The following SH3GL2 variants were observed in gnomAD, a reference collection of about 807,000 sequenced individuals.
The protein encoded by SH3GL2 is SH3 domain containing GRB2 like 2, endophilin A1, also known as endophilin-A1.
In SH3GL2, 24 loss-of-function variants were observed where a neutral mutation model predicts 46.0. The ratio of observed to expected loss-of-function variants is 0.52; its 90% CI spans 0.38 to 0.73. The LOEUF is 0.73. SH3GL2 is among the 30% of genes least tolerant of loss of function. The pLI is 0.00. For synonymous variants in SH3GL2, 196 were observed against 147.1 expected, an observed-to-expected ratio of 1.33 and a Z score of -2.40; for missense variants, 413 against 424.2, an observed-to-expected ratio of 0.97 and a Z score of 0.23.
intron 1 of SH3GL2, among the ~76,000 whole-genome samples, chr9:17,632,080 C>T (rs543369004): frequency 4.6e-5 from 7 of 152,144 alleles, no homozygotes; most frequent in African/African-American, 1.4e-4. Context: ...ACATAATTTC[C>T]TCAATACATT....
intron 1 of SH3GL2, among the ~76,000 whole-genome samples, chr9:17,663,300 G>T (rs1470479967): frequency 6.6e-6 from 1 of 152,104 alleles, no homozygotes; most frequent in Non-Finnish European, 1.5e-5. Flanking sequence ...GTTATGTTGG[G>T]ATTTATATCC....
intron 1 of SH3GL2, among the ~76,000 whole-genome samples, chr9:17,603,348 C>G (rs1167320664): frequency 6.6e-6 from 1 of 152,114 alleles, no homozygotes; most frequent in African/African-American, 2.4e-5. Flanking sequence ...CATGGATGAG[C>G]TGTAAGGACA....
chr9:17,626,796 T>C (rs1013706662), intron 1 of SH3GL2, among the ~76,000 whole-genome samples: 4 of 152,210 alleles, frequency 2.6e-5, no homozygotes, highest in African/African-American at 4.8e-5. Context: ...TCACATTCCT[T>C]TGGAGAACTG....
In SH3GL2 at chr9:17,579,190, C is replaced by T; in HGVS notation, c.-53C>T. On this transcript the variant is annotated 5_prime_UTR_variant, in exon 1 of 9. Transcript: ENST00000380607. ...CGCCGCCCCGCTCGGCCCTCCAGTC[C>T]CCCTCCGCCTCCTCCCTCCCGCACA... 17 of 1,400,938 alleles carry T rather than the reference C, an allele frequency of 1.2e-5. No individual in the cohort carries two copies. Among genetic ancestry groups the T allele is most frequent in the South Asian group, 9.0e-5 (7 of 78,040 alleles). 86.8% of individuals were successfully genotyped at this position (1,400,938 alleles called of 1,614,324 possible).
intron 3 of SH3GL2, among the ~76,000 whole-genome samples, chr9:17,779,418 T>TC (rs1423483698): frequency 3.9e-5 from 6 of 152,210 alleles, no homozygotes; most frequent in African/African-American, 1.4e-4. Context: ...TGAGCCTGAA[T>TC]CCAATCTTTT....
At position 17,796,405 on chromosome 9, in the gene SH3GL2, G is replaced by T. The variant is rs1296333626; in HGVS notation, c.*662G>T. ...AGCGGTAATTCCAAATTATTTTTCA[G>T]TAAGACAGTTAATCAGCATTATTGT... On this transcript the variant is annotated 3_prime_UTR_variant, in exon 9 of 9. Transcript: ENST00000380607. The T allele has an allele frequency of 6.6e-6, 1 of 152,344 alleles. No individual in the cohort carries two copies. The highest frequency in any genetic ancestry group is 1.5e-5 in the Non-Finnish European group (1 of 68,036). 9.4% of individuals were successfully genotyped at this position (152,344 alleles called of 1,614,324 possible).
intron 3 of SH3GL2, among the ~76,000 whole-genome samples, chr9:17,764,185 G>A (rs1209405753): frequency 6.6e-6 from 1 of 152,180 alleles, no homozygotes; most frequent in Admixed American, 6.5e-5. Flanking sequence ...TGTATGGGCA[G>A]GCCACATACA....
intron 1 of SH3GL2, among the ~76,000 whole-genome samples, chr9:17,636,201 C>T (rs556810870): frequency 4.0e-4 from 61 of 152,168 alleles, no homozygotes; most frequent in African/African-American, 5.5e-4. Context: ...ATGGGATAAC[C>T]GTGGATTGAA....
intron 3 of SH3GL2, among the ~76,000 whole-genome samples, chr9:17,764,541 G>A (rs1422143069): frequency 1.3e-5 from 2 of 152,250 alleles, no homozygotes; most frequent in African/African-American, 2.4e-5. Context: ...TTCTGAATAA[G>A]CAAGATATGG....
At chr9:17,762,549 G>C (rs1392068954) in intron 3 of SH3GL2, among the ~76,000 whole-genome samples, 1 of 152,104 alleles carries the variant, frequency 6.6e-6, no homozygotes, top group African/African-American at 2.4e-5. Context: ...GCTATTCTGA[G>C]GATGAGCAGA....
At chr9:17,773,471 G>A (rs972719806) in intron 3 of SH3GL2, among the ~76,000 whole-genome samples, 1 of 151,914 alleles carries the variant, frequency 6.6e-6, no homozygotes, top group African/African-American at 2.4e-5. Flanking sequence ...TAATGTATTT[G>A]GAGTTAATTT....
At chr9:17,715,261 C>T (rs575102410) in intron 1 of SH3GL2, among the ~76,000 whole-genome samples, 8 of 150,302 alleles carry the variant, frequency 5.3e-5, no homozygotes, top group Non-Finnish European at 1.0e-4. Flanking sequence ...CTTTGTTGTC[C>T]AGGCTGGTTA....
chr9:17,751,704 G>A (rs1822852463), intron 2 of SH3GL2, among the ~76,000 whole-genome samples: 1 of 152,072 alleles, frequency 6.6e-6, no homozygotes, highest in Admixed American at 6.6e-5. Flanking sequence ...CTCTTACTTG[G>A]ATTCCAGTGA....
At chr9:17,662,802 C>T (rs560094004) in intron 1 of SH3GL2, among the ~76,000 whole-genome samples, 9 of 148,974 alleles carry the variant, frequency 6.0e-5, no homozygotes, top group South Asian at 2.2e-4. Context: ...CTCTGCCTGC[C>T]GGGTTCAAGC....
At chr9:17,608,814 C>T (rs141199539) in intron 1 of SH3GL2, among the ~76,000 whole-genome samples, 6 of 152,238 alleles carry the variant, frequency 3.9e-5, no homozygotes, top group African/African-American at 1.2e-4. Context: ...TTTTCTGTAA[C>T]GTACAAGTGG....
At chr9:17,759,307 A>G (rs1320156800) in intron 2 of SH3GL2, among the ~76,000 whole-genome samples, 2 of 152,186 alleles carry the variant, frequency 1.3e-5, no homozygotes, top group African/African-American at 4.8e-5. Context: ...AAGTTTCAAA[A>G]TAAAAACAGA....
At chr9:17,794,409 G>T (rs1454329130) in intron 8 of SH3GL2, among the ~76,000 whole-genome samples, 1 of 152,188 alleles carries the variant, frequency 6.6e-6, no homozygotes. Context: ...GAGCCGGCAG[G>T]TGGTGCTCTC....
At chr9:17,755,349 G>A (rs990571785) in intron 2 of SH3GL2, among the ~76,000 whole-genome samples, 1 of 152,176 alleles carries the variant, frequency 6.6e-6, no homozygotes, top group Non-Finnish European at 1.5e-5. Context: ...CTTGATAATG[G>A]TGGATAAGCT....
intron 1 of SH3GL2, among the ~76,000 whole-genome samples, chr9:17,689,015 C>A (rs200515125): frequency 1.3e-5 from 2 of 151,948 alleles, no homozygotes; most frequent in Admixed American, 1.3e-4. Flanking sequence ...GTGGAGAAAC[C>A]CACACACACT....
Sources: allele counts gnomAD v4.1 joint callset (sites outside exome capture counted in the v4.1 genomes callset), GRCh38; gene constraint gnomAD v4.1.1; transcripts MANE v1.5; gene names NCBI Gene and HGNC (gene_info 2026-07-23, HGNC 2026-07-21).